Variants in ASTN2 observed in about 807,000 individuals in gnomAD.
ASTN2 encodes astrotactin 2, also known as astrotactin-2.
A neutral mutation model predicts 139.8 loss-of-function variants in ASTN2; 54 were observed. The ratio of observed to expected loss-of-function variants is 0.39; its 90% confidence interval spans 0.31 to 0.48. ASTN2 has a LOEUF of 0.48. Ranked by LOEUF, ASTN2 falls within the 20% of genes least tolerant of loss-of-function variation. The pLI is 0.95. For synonymous variants in ASTN2, 756 were observed against 719.5 expected (o/e 1.05, Z -0.81); for missense variants, 1,565 against 1,725.1 (o/e 0.91, Z 1.64).
intron 19 of ASTN2, among the ~76,000 whole-genome samples, chr9:116,531,836 G>A (rs1002163582): frequency 4.6e-5 from 7 of 152,202 alleles, no homozygotes; most frequent in Non-Finnish European, 8.8e-5. Flanking sequence ...ACGTGTGCAT[G>A]TGTCTTTATA....
rs1431204538 is a variant in ASTN2 at position 116,425,278 on chromosome 9, G to A, written c.*573C>T. On this transcript the variant is annotated 3_prime_UTR_variant, in exon 23 of 23. Coordinates refer to ENST00000313400, the MANE Select transcript of ASTN2 (RefSeq NM_001365068.1). Reference sequence around the variant, plus strand: ...ATGGACAGGCCTGCAGGGACTCTGGGCAGACCCACAGGTAGCAGGAAGAGG... The same window carrying A: ...ATGGACAGGCCTGCAGGGACTCTGGACAGACCCACAGGTAGCAGGAAGAGG... The A allele has an allele frequency of 1.1e-5, 5 of 444,006 alleles. No homozygotes were observed. Among genetic ancestry groups the A allele is most frequent in the Non-Finnish European group, 2.0e-5 (5 of 248,020 alleles). 27.5% of individuals were successfully genotyped at this position (444,006 alleles called of 1,614,324 possible). A position where few individuals can be genotyped will look rare whatever the true frequency, so the allele number is the denominator to read the frequency against.
At chr9:117,408,465 TGTCA>T (rs1409055790) in intron 1 of ASTN2, among the ~76,000 whole-genome samples, 1 of 152,148 alleles carries the variant, frequency 6.6e-6, no homozygotes, top group Non-Finnish European at 1.5e-5. Context: ...AAGAGGTCGC[TGTCA>T]GTCTATCCTC....
intron 4 of ASTN2, among the ~76,000 whole-genome samples, chr9:117,120,008 G>GTACATA (rs1203112485): frequency 1.3e-4 from 6 of 45,628 alleles, no homozygotes; most frequent in African/African-American, 4.5e-4. Context: ...GTGTGTGTGT[G>GTACATA]TGTGTGTGTG....
At chr9:116,478,253 G>GGGAAGGAA (rs770411627) in intron 20 of ASTN2, among the ~76,000 whole-genome samples, 50 of 128,706 alleles carry the variant, frequency 3.9e-4, no homozygotes, top group East Asian at 2.0e-3. Context: ...GAGGGAGGGA[G>GGGAAGGAA]GGAAGGAAGG....
At chr9:116,768,689 C>A (rs140743587) in intron 13 of ASTN2, among the ~76,000 whole-genome samples, 3 of 152,228 alleles carry the variant, frequency 2.0e-5, no homozygotes, top group East Asian at 1.9e-4. Flanking sequence ...CTGAGAGACC[C>A]GCTTGCCTCT....
intron 2 of ASTN2, among the ~76,000 whole-genome samples, chr9:117,222,815 T>C (rs1055399948): frequency 6.6e-6 from 1 of 152,124 alleles, no homozygotes; most frequent in Non-Finnish European, 1.5e-5. Context: ...CTACCTTGTA[T>C]TAGAGTTGTT....
chr9:116,738,894 A>T (rs961773186), intron 13 of ASTN2, among the ~76,000 whole-genome samples: 3 of 152,206 alleles, frequency 2.0e-5, no homozygotes, highest in African/African-American at 7.2e-5. Context: ...TAGAGATGAG[A>T]CCAGGCAGTT....
intron 6 of ASTN2, among the ~76,000 whole-genome samples, chr9:117,018,800 T>C (rs760208935): frequency 6.6e-6 from 1 of 152,178 alleles, no homozygotes; most frequent in African/African-American, 2.4e-5. Flanking sequence ...TGAATGCACA[T>C]GGAAAATGGG....
intron 10 of ASTN2, among the ~76,000 whole-genome samples, chr9:116,915,517 GC>G (rs1834418190): frequency 6.6e-6 from 1 of 152,128 alleles, no homozygotes; most frequent in Non-Finnish European, 1.5e-5. Flanking sequence ...ACCAGAAAGG[GC>G]AAGCCATGAT....
chr9:116,900,186 T>C lies in ASTN2; in HGVS notation c.1890-36453A>G, dbSNP rs999127611. 3.3e-5 allele frequency among the ~76,000 whole-genome samples: 5 copies of C among 152,252 alleles called. No homozygotes were observed. The East Asian group carries it at 7.7e-4, about 23-fold the overall frequency. ...TGTTTCAGTAAATTGACTCTGTCTG[T>C]GCAGAGGGCAAGAAAAACCTGTTGG... On this transcript the variant is annotated intron_variant, in intron 10 of 22. Transcript: ENST00000313400.
At position 116,671,387 on chromosome 9, in the gene ASTN2, T is replaced by C. The variant is rs192157862; in HGVS notation, c.2807-19594A>G. Among the ~76,000 whole-genome samples the C allele has an allele frequency of 1.6e-3, 248 of 152,138 alleles. 2 individuals carry two copies. The highest frequency in any genetic ancestry group is 2.8e-3 in the Non-Finnish European group (189 of 68,012). ...TCAGGTATAGGCTAGACTGAAAAAT[T>C]TGGGGGCTGGGTACATCATATGGAG... On this transcript the variant is annotated intron_variant, in intron 16 of 22. Transcript: ENST00000313400.
chr9:116,862,396 C>T (rs943306), intron 11 of ASTN2, among the ~76,000 whole-genome samples: 73,174 of 152,016 alleles, frequency 0.48, 18,313 homozygotes, highest in East Asian at 0.72. Flanking sequence ...ACTGAAAAAC[C>T]AGTCTGTGCT....
intron 16 of ASTN2, among the ~76,000 whole-genome samples, chr9:116,723,290 C>T (rs1828524990): frequency 6.6e-6 from 1 of 152,140 alleles, no homozygotes. Flanking sequence ...CTACTATGTA[C>T]CAGACATTTT....
At chr9:116,785,931 C>T (rs539630752) in intron 13 of ASTN2, among the ~76,000 whole-genome samples, 18 of 152,344 alleles carry the variant, frequency 1.2e-4, no homozygotes, top group African/African-American at 4.3e-4. Flanking sequence ...TTCCTTCTCA[C>T]TCAGAGTAAA....
At chr9:116,816,670 A>C (rs1369326665) in intron 12 of ASTN2, among the ~76,000 whole-genome samples, 1 of 152,122 alleles carries the variant, frequency 6.6e-6, no homozygotes, top group Non-Finnish European at 1.5e-5. Context: ...TGACAGAAAC[A>C]GACAGGAATG....
intron 3 of ASTN2, among the ~76,000 whole-genome samples, chr9:117,169,938 G>T (rs2132921947): frequency 6.6e-6 from 1 of 152,208 alleles, no homozygotes; most frequent in Admixed American, 6.5e-5. Context: ...GAGGCATCCT[G>T]GTCTTGGAAG....
intron 1 of ASTN2, among the ~76,000 whole-genome samples, chr9:117,382,472 G>T (rs950672521): frequency 1.3e-5 from 2 of 152,180 alleles, no homozygotes; most frequent in Non-Finnish European, 2.9e-5. Context: ...TGTTTAGGAC[G>T]GGAAATTAAA....
chr9:117,401,365 C>A (rs1056486064), intron 1 of ASTN2, among the ~76,000 whole-genome samples: 1 of 152,086 alleles, frequency 6.6e-6, no homozygotes, highest in Non-Finnish European at 1.5e-5. Flanking sequence ...TATAAGGGTG[C>A]TACTTTGGTC....
intron 1 of ASTN2, among the ~76,000 whole-genome samples, chr9:117,302,394 C>G (rs117355210): frequency 0.013 from 2,001 of 152,256 alleles, 19 homozygotes; most frequent in Non-Finnish European, 0.023. Context: ...ATGCAGTGTT[C>G]TTCTGATCTC....
Sources: gnomAD v4.1 joint callset for allele counts (sites outside exome capture counted in the v4.1 genomes callset) on GRCh38, gnomAD v4.1.1 for gene constraint, MANE v1.5 for transcripts, NCBI Gene and HGNC (gene_info 2026-07-23, HGNC 2026-07-21) for gene names.